The following DDX60L variants were observed in gnomAD, a reference collection of about 807,000 sequenced individuals.
DDX60L encodes probable ATP-dependent RNA helicase DDX60-like.
DDX60L carries 191 observed loss-of-function variants against 211.6 expected under a neutral mutation model. That is an observed-to-expected ratio of 0.90 (90% CI 0.80 to 1.02). The LOEUF (loss-of-function observed/expected upper bound fraction) is 1.02. Ranked by LOEUF, DDX60L falls within the 50% of genes least tolerant of loss-of-function variation. The pLI, the probability that DDX60L is intolerant of heterozygous loss-of-function variation, is 0.00. For missense variants in DDX60L, 2,007 were observed against 1,984.1 expected (o/e 1.01, Z -0.22); for synonymous variants, 706 against 694.1 (o/e 1.02, Z -0.27).
chr4:168,434,591 G>A (rs1752789386), intron 10 of DDX60L, among the ~76,000 whole-genome samples: 1 of 152,214 alleles, frequency 6.6e-6, no homozygotes, highest in African/African-American at 2.4e-5. Context: ...GGGCCAAGTG[G>A]CAGCACTTAA....
At chr4:168,400,634 T>C (rs1311356634) in intron 26 of DDX60L, among the ~76,000 whole-genome samples, 192 bp downstream of exon 26, 7 of 152,144 alleles carry the variant, frequency 4.6e-5, no homozygotes, top group African/African-American at 1.2e-4. Context: ...GATTCCTAAA[T>C]GAAATCCATC....
At chr4:168,463,161 C>T (rs763254891) in intron 4 of DDX60L, among the ~76,000 whole-genome samples, 1 of 152,110 alleles carries the variant, frequency 6.6e-6, no homozygotes, top group Non-Finnish European at 1.5e-5. Flanking sequence ...TAAATCATTC[C>T]ATCATAAAGA....
chr4:168,375,436 A>G lies in DDX60L; in HGVS notation c.4574T>C (p.Leu1525Pro), dbSNP rs774589807. The change falls in exon 34 of 38, where the codon CTG (leucine) becomes CCG (proline). Residue 1525 changes from leucine (L) to proline (P), a missense_variant. By Grantham distance (98) the Leu-to-Pro change is moderately conservative. Coordinates refer to ENST00000682922, the MANE Select transcript of DDX60L (RefSeq NM_001012967.3). ...CATGTTCACCGACTTGGAAGCAATC[A>G]GCAGGAAGGAGGCAAAATCCTTCAT... ...AVMKDFASFL[L>P]IASKSVNMKK... 2.4e-5 allele frequency: 38 copies of G among 1,612,942 alleles called. No individual in the cohort carries two copies. In the Admixed American group the frequency reaches 6.4e-4, roughly 27 times the overall value.
intron 9 of DDX60L, among the ~76,000 whole-genome samples, chr4:168,444,615 C>A (rs1754466968): frequency 7.4e-6 from 1 of 135,692 alleles, no homozygotes; most frequent in Admixed American, 7.5e-5. Flanking sequence ...CAAAATTGAC[C>A]ACATACTTGC....
At chr4:168,432,261 T>C (rs1265714111) in intron 12 of DDX60L, among the ~76,000 whole-genome samples, 194 bp downstream of exon 12, 1 of 149,190 alleles carries the variant, frequency 6.7e-6, no homozygotes, top group East Asian at 1.9e-4. Flanking sequence ...TGTGTGTATA[T>C]ATATATACAC....
At chr4:168,474,983 C>T (rs1394465353) in intron 1 of DDX60L, among the ~76,000 whole-genome samples, 1 of 152,038 alleles carries the variant, frequency 6.6e-6, no homozygotes, top group Non-Finnish European at 1.5e-5. Context: ...TTTCAGTACT[C>T]CAAAGATAAA....
At chr4:168,390,444 A>G in intron 29 of DDX60L, 2 of 1,337,040 alleles carry the variant, frequency 1.5e-6, no homozygotes, top group Non-Finnish European at 1.9e-6. Context: ...AAACAGCAAC[A>G]TCCTAAAAGG....
chr4:168,453,167 A>T lies in DDX60L; in HGVS notation c.953T>A (p.Ile318Asn). ...PLSQRACSRV[I>N]TCSWIRNSDS... ...ACTGTTCCTAATCCAAGAGCATGTG[A>T]TGACTCGAGAACAAGCTCTCTGAGA... is the stretch of plus-strand genomic sequence containing the variant. The change falls in exon 8 of 38, where the codon ATC (isoleucine) becomes AAC (asparagine). Residue 318 changes from isoleucine (I) to asparagine (N), a missense_variant. Ile to Asn is a moderately radical substitution (Grantham distance 149). Coordinates refer to ENST00000682922, the MANE Select transcript of DDX60L (RefSeq NM_001012967.3). The T allele has an allele frequency of 6.2e-7, 1 of 1,613,166 alleles. No homozygotes were observed. The highest frequency in any genetic ancestry group is 2.2e-5 in the East Asian group (1 of 44,870).
chr4:168,372,767 G>A (rs566589857), intron 35 of DDX60L, among the ~76,000 whole-genome samples: 68 of 151,100 alleles, frequency 4.5e-4, no homozygotes, highest in East Asian at 2.0e-3. Flanking sequence ...GAGGGAAGGG[G>A]AGGGGAGGGA....
intron 29 of DDX60L, 107 bp downstream of exon 29, chr4:168,391,433 T>C (rs906338372): frequency 4.1e-6 from 3 of 733,782 alleles, no homozygotes; most frequent in South Asian, 1.6e-5. Flanking sequence ...ACATAGAAAG[T>C]AAAAGGAAGG....
intron 36 of DDX60L, among the ~76,000 whole-genome samples, chr4:168,367,183 A>G (rs926455209): frequency 2.9e-5 from 2 of 68,382 alleles, no homozygotes; most frequent in Non-Finnish European, 4.2e-5. Flanking sequence ...AAACTATGAA[A>G]CAATATGGTT....
chr4:168,447,987 C>A, intron 9 of DDX60L, among the ~76,000 whole-genome samples: 1 of 150,960 alleles, frequency 6.6e-6, no homozygotes, highest in Non-Finnish European at 1.5e-5. Context: ...ATGTAACTAA[C>A]CTGCACAATG....
intron 10 of DDX60L, among the ~76,000 whole-genome samples, chr4:168,436,245 A>T (rs2149970000): frequency 6.6e-6 from 1 of 152,344 alleles, no homozygotes; most frequent in East Asian, 1.9e-4. Flanking sequence ...GGCTTCCCTC[A>T]TGAAAGGAGT....
intron 30 of DDX60L, among the ~76,000 whole-genome samples, chr4:168,383,087 A>G (rs1338959087): frequency 6.6e-6 from 1 of 152,166 alleles, no homozygotes. Context: ...TGAACCAGGG[A>G]CCTATTCCAG....
intron 8 of DDX60L, 93 bp from the exon 9 acceptor site, chr4:168,448,872 T>A: frequency 8.8e-7 from 1 of 1,138,704 alleles, no homozygotes; most frequent in Non-Finnish European, 1.3e-6. Flanking sequence ...ACAAGGGACA[T>A]TTCTGGGTGG....
intron 8 of DDX60L, among the ~76,000 whole-genome samples, chr4:168,450,928 A>G (rs1045520777): frequency 6.6e-6 from 1 of 151,664 alleles, no homozygotes; most frequent in Non-Finnish European, 1.5e-5. Context: ...AATAATGACA[A>G]CAATAATAAT....
At chr4:168,410,819 A>G (rs1748548693) in intron 22 of DDX60L, among the ~76,000 whole-genome samples, 1 of 152,216 alleles carries the variant, frequency 6.6e-6, no homozygotes, top group African/African-American at 2.4e-5. Flanking sequence ...TTCCCTGTTC[A>G]GATCATTTGG....
chr4:168,461,662 G>A lies in DDX60L; in HGVS notation c.606+37C>T, dbSNP rs560995619. 232 of 1,373,634 alleles carry A rather than the reference G, an allele frequency of 1.7e-4. 2 individuals are homozygous for A. The South Asian group carries it at 2.1e-3, about 12-fold the overall frequency. The allele number at this position is 1,373,634 out of a possible 1,614,324, so 85.1% of individuals were successfully genotyped here. A position where few individuals can be genotyped will look rare whatever the true frequency, so the allele number is the denominator to read the frequency against. On this transcript the variant is annotated intron_variant, in intron 5 of 37. Transcript: ENST00000682922. The stretch of plus-strand genomic sequence containing the variant: ...TTAGTGATTTTGAGAATTAAAACAA[G>A]AAATCAGGAAAAAAATGAGTTATTA...
chr4:168,426,946 G>T, intron 14 of DDX60L, 124 bp downstream of exon 14: 1 of 1,123,814 alleles, frequency 8.9e-7, no homozygotes, highest in South Asian at 1.7e-5. Flanking sequence ...AAAGGGTCAT[G>T]TTGACAATAA....
Sources: gnomAD v4.1 joint callset for allele counts (sites outside exome capture counted in the v4.1 genomes callset) on GRCh38, gnomAD v4.1.1 for gene constraint, MANE v1.5 for transcripts, NCBI Gene and HGNC (gene_info 2026-07-23, HGNC 2026-07-21) for gene names.